Variants in GRID2 observed in about 807,000 individuals in gnomAD.
GRID2 encodes glutamate ionotropic receptor delta type subunit 2.
GRID2 carries 33 observed loss-of-function variants against 114.8 expected under a neutral mutation model. The observed-to-expected ratio is 0.29, with a 90% confidence interval of 0.22 to 0.38. The LOEUF (loss-of-function observed/expected upper bound fraction) is 0.38. Ranked by LOEUF, GRID2 falls within the 10% of genes least tolerant of loss-of-function variation. The pLI, the probability that GRID2 is intolerant of heterozygous loss-of-function variation, is 1.00. For missense variants in GRID2, 1,184 were observed against 1,257.7 expected (o/e 0.94, Z 0.89); for synonymous variants, 505 against 449.9 (o/e 1.12, Z -1.55).
At chr4:92,629,573 T>G (rs945878428) in intron 2 of GRID2, among the ~76,000 whole-genome samples, 3 of 152,076 alleles carry the variant, frequency 2.0e-5, no homozygotes, top group Non-Finnish European at 4.4e-5. Flanking sequence ...CAGACACAAT[T>G]TCTTTTCCTC....
intron 2 of GRID2, among the ~76,000 whole-genome samples, chr4:92,886,750 C>T (rs1003858114): frequency 6.6e-6 from 1 of 152,178 alleles, no homozygotes; most frequent in African/African-American, 2.4e-5. Flanking sequence ...CTCAGCCTCC[C>T]GAGTAGCTGG....
At chr4:93,082,295 T>C (rs1729940564) in intron 2 of GRID2, among the ~76,000 whole-genome samples, 1 of 152,182 alleles carries the variant, frequency 6.6e-6, no homozygotes, top group Non-Finnish European at 1.5e-5. Flanking sequence ...TATCTTTACT[T>C]CGCTATGCAA....
At chr4:93,696,270 C>G (rs887914475) in intron 14 of GRID2, among the ~76,000 whole-genome samples, 1 of 147,982 alleles carries the variant, frequency 6.8e-6, no homozygotes, top group Admixed American at 7.2e-5. Flanking sequence ...GCTGGCTTCT[C>G]TCTCAAACTG....
chr4:92,442,018 G>A, intron 1 of GRID2, among the ~76,000 whole-genome samples: 1 of 151,710 alleles, frequency 6.6e-6, no homozygotes, highest in East Asian at 1.9e-4. Context: ...CAGAGTTGGG[G>A]AGTTGTAAGA....
intron 2 of GRID2, among the ~76,000 whole-genome samples, chr4:93,038,185 G>C (rs1183917979): frequency 6.6e-6 from 1 of 152,090 alleles, no homozygotes; most frequent in Non-Finnish European, 1.5e-5. Context: ...TCCCTTGTAA[G>C]TTGTATTTCT....
chr4:93,295,740 T>C (rs1754233984), intron 8 of GRID2, among the ~76,000 whole-genome samples: 1 of 152,218 alleles, frequency 6.6e-6, no homozygotes, highest in African/African-American at 2.4e-5. Flanking sequence ...TCTCTTTTAA[T>C]GTCAATTATT....
At chr4:92,760,427 C>G (rs1276884688) in intron 2 of GRID2, among the ~76,000 whole-genome samples, 1 of 151,992 alleles carries the variant, frequency 6.6e-6, no homozygotes, top group Non-Finnish European at 1.5e-5. Flanking sequence ...TACCAACACC[C>G]TTTCACTGAG....
intron 14 of GRID2, among the ~76,000 whole-genome samples, chr4:93,733,304 C>T (rs890735722): frequency 4.6e-5 from 7 of 152,090 alleles, no homozygotes; most frequent in African/African-American, 1.7e-4. Context: ...ATGGACTTTT[C>T]AGCCTGCCTC....
chr4:93,215,284 A>G (rs1744066855), intron 5 of GRID2, among the ~76,000 whole-genome samples: 1 of 152,044 alleles, frequency 6.6e-6, no homozygotes, highest in Non-Finnish European at 1.5e-5. Flanking sequence ...AAGTCATACA[A>G]TTTTCCACTG....
chr4:93,015,309 T>C (rs576341340), intron 2 of GRID2, among the ~76,000 whole-genome samples: 1 of 152,102 alleles, frequency 6.6e-6, no homozygotes, highest in East Asian at 1.9e-4. Flanking sequence ...GAGAAAGCAA[T>C]GTTCTGAAGT....
intron 14 of GRID2, among the ~76,000 whole-genome samples, chr4:93,628,769 T>TC: frequency 8.8e-6 from 1 of 113,790 alleles, no homozygotes; most frequent in East Asian, 2.3e-4. Context: ...TTTTCTGGCT[T>TC]TTTTTTTTTT....
At chr4:92,549,727 A>G (rs981955781) in intron 1 of GRID2, among the ~76,000 whole-genome samples, 3 of 152,172 alleles carry the variant, frequency 2.0e-5, no homozygotes, top group African/African-American at 7.2e-5. Flanking sequence ...AAGTCATTTC[A>G]TAAATAAATA....
At chr4:93,061,158 T>A (rs1727760315) in intron 2 of GRID2, among the ~76,000 whole-genome samples, 2 of 150,066 alleles carry the variant, frequency 1.3e-5, no homozygotes, top group African/African-American at 4.9e-5. Context: ...ATTGTAGAAA[T>A]ATCTCTTTTA....
Position 93,754,698 on chromosome 4 carries a change from A to T in GRID2, c.2361-14512A>T, listed in dbSNP as rs924154477. 2.6e-5 allele frequency among the ~76,000 whole-genome samples: 4 copies of T among 152,208 alleles called. 1 individual carries two copies. In the South Asian group the frequency reaches 8.3e-4, roughly 31 times the overall value. ...AACATGGGTAAATTGCACTTCTACA[A>T]TTATTCATTAGGGCTCCTATAATAA... On this transcript the variant is annotated intron_variant, in intron 14 of 15. Coordinates refer to ENST00000282020, the MANE Select transcript of GRID2 (RefSeq NM_001510.4).
intron 2 of GRID2, among the ~76,000 whole-genome samples, chr4:92,892,100 G>A (rs1161564050): frequency 6.7e-6 from 1 of 149,928 alleles, no homozygotes; most frequent in Non-Finnish European, 1.5e-5. Flanking sequence ...TTTTGCTCTT[G>A]TTGCCCAGGC....
At chr4:92,622,064 CAG>C (rs923010794) in intron 2 of GRID2, among the ~76,000 whole-genome samples, 10 of 151,500 alleles carry the variant, frequency 6.6e-5, no homozygotes, top group African/African-American at 2.4e-4. Flanking sequence ...ATAATAATCT[CAG>C]TAATAATTGA....
At chr4:93,413,526 G>A (rs566172947) in intron 9 of GRID2, among the ~76,000 whole-genome samples, 261 of 151,644 alleles carry the variant, frequency 1.7e-3, no homozygotes, top group African/African-American at 6.2e-3. Flanking sequence ...GCATGAGAAA[G>A]TCTACTTTCT....
intron 2 of GRID2, among the ~76,000 whole-genome samples, chr4:92,815,914 CAAAAAAAAAAAAA>C (rs5860292): frequency 2.1e-5 from 1 of 46,864 alleles, no homozygotes; most frequent in Non-Finnish European, 3.6e-5. Flanking sequence ...GACCCTGTCT[CAAAAAAAAAAAAA>C]AAAAAAAAAA....
At chr4:93,524,811 A>ACATG (rs1730696297) in intron 13 of GRID2, among the ~76,000 whole-genome samples, 1 of 48,506 alleles carries the variant, frequency 2.1e-5, no homozygotes, top group Non-Finnish European at 3.3e-5. Flanking sequence ...ATATATATAT[A>ACATG]TATGTATGTA....
Sources: gnomAD v4.1 joint callset for allele counts (sites outside exome capture counted in the v4.1 genomes callset) on GRCh38, gnomAD v4.1.1 for gene constraint, MANE v1.5 for transcripts, NCBI Gene and HGNC (gene_info 2026-07-23, HGNC 2026-07-21) for gene names.